Variants in PSIP1 observed in about 807,000 individuals in gnomAD.
The protein encoded by PSIP1 is PC4 and SFRS1-interacting protein.
A neutral mutation model predicts 74.7 loss-of-function variants in PSIP1; 19 were observed. The observed-to-expected ratio is 0.25, with a 90% CI of 0.18 to 0.37. The LOEUF is 0.37. PSIP1 is among the 10% of genes least tolerant of loss of function. The pLI, the probability that PSIP1 is intolerant of heterozygous loss-of-function variation, is 1.00. For missense variants in PSIP1, 601 were observed against 614.3 expected (o/e 0.98, Z 0.23); for synonymous variants, 222 against 195.3 (o/e 1.14, Z -1.14).
chr9:15,488,804 A>G (rs562722501), intron 4 of PSIP1, among the ~76,000 whole-genome samples: 3,457 of 151,458 alleles, frequency 0.023, 67 homozygotes, highest in African/African-American at 0.059. Flanking sequence ...GGCGGATCAC[A>G]AGGTCAGGAG....
At position 15,464,101 on chromosome 9, in the gene PSIP1, C is replaced by T. The variant is rs1299100188; in HGVS notation, c.*1419G>A. 5 of 179,526 alleles carry T rather than the reference C, an allele frequency of 2.8e-5. No homozygotes were observed. Among genetic ancestry groups the T allele is most frequent in the African/African-American group, 9.5e-5 (4 of 42,282 alleles). 11.1% of individuals were successfully genotyped at this position (179,526 alleles called of 1,614,324 possible). On this transcript the variant is annotated 3_prime_UTR_variant, in exon 16 of 16. Coordinates refer to ENST00000380733, the MANE Select transcript of PSIP1 (RefSeq NM_033222.5). The stretch of plus-strand genomic sequence containing the variant: ...AAATTCTTTAATGAAAACAAGTTTA[C>T]ACGTTGAACTTATGGCTTAACTAGA...
chr9:15,483,989 G>A (rs1162852838), intron 6 of PSIP1, among the ~76,000 whole-genome samples: 1 of 151,710 alleles, frequency 6.6e-6, no homozygotes, highest in Non-Finnish European at 1.5e-5. Context: ...TTAGCCAGGC[G>A]TGGTGGTGCA....
chr9:15,473,926 A>AC lies in PSIP1; in HGVS notation c.858+82dup, dbSNP rs1491217534. ...AAACAAAAAAAAAACAAAAAAAAAA[A>AC]CAAAAAAAAAACAAAGAAAAAACAA... On this transcript the variant is annotated intron_variant, in intron 9 of 15. Transcript: ENST00000380733. The AC allele has an allele frequency of 6.9e-5, 53 of 769,124 alleles. No individual in the cohort carries two copies. The African/African-American group carries it at 1.0e-3, about 15-fold the overall frequency. The allele number at this position is 769,124 out of a possible 1,614,324, so 47.6% of individuals were successfully genotyped here. A position where few individuals can be genotyped will look rare whatever the true frequency, so the allele number is the denominator to read the frequency against.
chr9:15,475,346 G>C (rs1291306534), intron 8 of PSIP1, among the ~76,000 whole-genome samples: 3 of 151,998 alleles, frequency 2.0e-5, no homozygotes, highest in Non-Finnish European at 4.4e-5. Context: ...TAAATATTTT[G>C]ATAATCAGTT....
Position 15,467,117 on chromosome 9 carries a change from CTA to C in PSIP1, c.1421-260_1421-259del, listed in dbSNP as rs1202442123. Among the ~76,000 whole-genome samples, 5 of 151,926 alleles carry C rather than the reference CTA, an allele frequency of 3.3e-5. No individual in the cohort carries two copies. The East Asian group carries it at 5.8e-4, about 18-fold the overall frequency. ...GCACCATAAAAAGCAGGTTAACTAT[CTA>C]TGAGTACAGGAAGTGGATTATTAAT... On this transcript the variant is annotated intron_variant, in intron 14 of 15. Transcript: ENST00000380733.
intron 15 of PSIP1, 26 bp from the exon 16 acceptor site, chr9:15,465,606 C>G (rs766998099): frequency 2.0e-6 from 3 of 1,523,688 alleles, no homozygotes; most frequent in Non-Finnish European, 2.7e-6. Context: ...AAAGGTACAA[C>G]TGGAATTAGG....
chr9:15,475,302 A>T (rs2132065235), intron 8 of PSIP1, among the ~76,000 whole-genome samples: 1 of 152,300 alleles, frequency 6.6e-6, no homozygotes, highest in East Asian at 1.9e-4. Flanking sequence ...CATGCAAGTG[A>T]AACTATTTGC....
rs906123492 is a variant in PSIP1 at position 15,471,588 on chromosome 9, T to C, written c.977+1044A>G. 7.4e-6 allele frequency: 7 copies of C among 951,020 alleles called. No homozygotes were observed. The African/African-American group carries it at 8.9e-5, about 12-fold the overall frequency. 58.9% of individuals were successfully genotyped at this position (951,020 alleles called of 1,614,324 possible). Reference sequence around the variant, plus strand: ...TAGGTGACAAAGAATAACTTAAATATTTACAGAAGTGCTTAAAGTCTAACA... The same window carrying C: ...TAGGTGACAAAGAATAACTTAAATACTTACAGAAGTGCTTAAAGTCTAACA... On this transcript the variant is annotated intron_variant, in intron 10 of 15. Coordinates refer to ENST00000380733, the MANE Select transcript of PSIP1 (RefSeq NM_033222.5).
chr9:15,485,096 T>A (rs1032472239), intron 6 of PSIP1, among the ~76,000 whole-genome samples: 9 of 152,062 alleles, frequency 5.9e-5, no homozygotes, highest in African/African-American at 2.2e-4. Flanking sequence ...CTTAAAAAAA[T>A]TTTTTAAAAG....
rs775479358 is a variant in PSIP1 at position 15,468,808 on chromosome 9, T to C, written c.1242A>G (p.Glu414=). 4 of 1,613,966 alleles carry C rather than the reference T, an allele frequency of 2.5e-6. No homozygotes were observed. Among genetic ancestry groups the C allele is most frequent in the Middle Eastern group, 1.7e-4 (1 of 6,058 alleles). The change falls in exon 14 of 16, where the codon GAA becomes GAG. Residue 414 remains glutamate (E), a synonymous_variant. Coordinates refer to ENST00000380733, the MANE Select transcript of PSIP1 (RefSeq NM_033222.5). ...ACTTGTTATACAACATTGTAGACTT[T>C]TCCATGATTACCTGACTAACTTTGA... ...RRFKVSQVIM[E]KSTMLYNKFK... is the part of the protein sequence containing the mutation.
chr9:15,483,995 G>C (rs2036448363), intron 6 of PSIP1, among the ~76,000 whole-genome samples: 1 of 151,704 alleles, frequency 6.6e-6, no homozygotes, highest in Admixed American at 6.6e-5. Flanking sequence ...AGGCGTGGTG[G>C]TGCACGTCTG....
In PSIP1 at chr9:15,486,820, A is replaced by G. The variant is rs200773873; in HGVS notation, c.393+7T>C. 484 of 1,578,890 alleles carry G rather than the reference A, an allele frequency of 3.1e-4. 3 individuals carry two copies. Among genetic ancestry groups the G allele is most frequent in the Admixed American group, 1.2e-4 (7 of 58,376 alleles). On this transcript the variant is annotated splice_region_variant and intron_variant, in intron 5 of 15. Transcript: ENST00000380733. Reference sequence around the variant, plus strand: ...GGGTTTAAAATGTTAGGAGAAATAGAACATACCTCATTGCTGGCTTTTTCT... The same window carrying G: ...GGGTTTAAAATGTTAGGAGAAATAGGACATACCTCATTGCTGGCTTTTTCT...
chr9:15,484,911 C>CAAA (rs59867087), intron 6 of PSIP1, among the ~76,000 whole-genome samples: 2 of 81,868 alleles, frequency 2.4e-5, no homozygotes, highest in African/African-American at 4.5e-5. Flanking sequence ...AGATCCGTCT[C>CAAA]AAAAAAAAAA....
Position 15,510,205 on chromosome 9 carries a change from CG to C in PSIP1, c.-18del. 1.3e-6 allele frequency: 2 copies of C among 1,598,918 alleles called. No homozygotes were observed. Among genetic ancestry groups the C allele is most frequent in the South Asian group, 1.1e-5 (1 of 89,436 alleles). On this transcript the variant is annotated 5_prime_UTR_variant, in exon 2 of 16. Coordinates refer to ENST00000380733, the MANE Select transcript of PSIP1 (RefSeq NM_033222.5). ...GCGAGTCATGTTTCGGGGGCGAGAC[CG>C]GGGGTCCGAAGCCCGGGAGGCGGCG...
intron 4 of PSIP1, among the ~76,000 whole-genome samples, chr9:15,489,107 A>C (rs1283658026): frequency 6.6e-6 from 1 of 152,232 alleles, no homozygotes; most frequent in Non-Finnish European, 1.5e-5. Flanking sequence ...TAAAAACAAT[A>C]CAAATTGGAT....
intron 10 of PSIP1, 92 bp from the exon 11 acceptor site, chr9:15,470,085 AAAAT>A: frequency 3.0e-6 from 3 of 995,512 alleles, no homozygotes; most frequent in Non-Finnish European, 4.7e-6. Context: ...TGTTTTCCTT[AAAAT>A]AAGTCAATAG....
chr9:15,467,401 C>T (rs1028055834), intron 14 of PSIP1, among the ~76,000 whole-genome samples: 5 of 152,144 alleles, frequency 3.3e-5, no homozygotes, highest in African/African-American at 4.8e-5. Flanking sequence ...AAAAACCAAC[C>T]GACTGCTTTT....
At chr9:15,469,467 A>C in intron 11 of PSIP1, 131 bp from the exon 12 acceptor site, 1 of 589,118 alleles carries the variant, frequency 1.7e-6, no homozygotes, top group South Asian at 2.4e-5. Flanking sequence ...AAGAAGCTCA[A>C]AGATATGCAC....
At position 15,489,978 on chromosome 9, in the gene PSIP1, T is replaced by A; in HGVS notation, c.288+8A>T. On this transcript the variant is annotated splice_region_variant and intron_variant, in intron 4 of 15. Coordinates refer to ENST00000380733, the MANE Select transcript of PSIP1 (RefSeq NM_033222.5). ...AAGTAATATCAAATTTTATGTAATATGACTTACCTGTTGACTTGAAAATTT... is the reference window on the plus strand; with the variant it reads ...AAGTAATATCAAATTTTATGTAATAAGACTTACCTGTTGACTTGAAAATTT... 2 of 1,549,968 alleles carry A rather than the reference T, an allele frequency of 1.3e-6. No individual in the cohort carries two copies. The highest frequency in any genetic ancestry group is 1.7e-6 in the Non-Finnish European group (2 of 1,146,734).
Sources: gnomAD v4.1 joint callset for allele counts (sites outside exome capture counted in the v4.1 genomes callset) on GRCh38, gnomAD v4.1.1 for gene constraint, MANE v1.5 for transcripts, NCBI Gene and HGNC (gene_info 2026-07-23, HGNC 2026-07-21) for gene names.